Variants in ZNF341 observed in about 807,000 individuals in gnomAD.
ZNF341 encodes the protein zinc finger protein 341.
In ZNF341, 52 loss-of-function variants were observed where a neutral mutation model predicts 87.7. The observed-to-expected ratio is 0.59, with a 90% CI of 0.47 to 0.75. ZNF341 has a LOEUF of 0.75. Ranked by LOEUF, ZNF341 falls within the 30% of genes least tolerant of loss-of-function variation. The probability of loss-of-function intolerance (pLI) is 0.00; values close to 1 mark genes in which losing one functional copy is unlikely to be tolerated. For missense variants in ZNF341, 977 were observed against 1,145.9 expected, an observed-to-expected ratio of 0.85 and a Z score of 2.13; for synonymous variants, 459 against 472.7, an observed-to-expected ratio of 0.97 and a Z score of 0.38.
In ZNF341 at chr20:33,770,191, C is replaced by T; in HGVS notation, c.1521C>T (p.Leu507=). 3 of 1,614,210 alleles carry T rather than the reference C, an allele frequency of 1.9e-6. No homozygotes were observed. The highest frequency in any genetic ancestry group is 2.2e-5 in the East Asian group (1 of 44,886). The change falls in exon 10 of 15, where the codon CTC becomes CTT. Residue 507 remains leucine, a synonymous_variant. Coordinates refer to ENST00000375200, the MANE Select transcript of ZNF341 (RefSeq NM_001282933.2). ...AGGAGCTGAGCTACCGCTGCCACCT[C>T]TGCGGCAAGGACTTCCCCTCGCTGT... is the stretch of plus-strand genomic sequence containing the variant. ...HQEELSYRCH[L]CGKDFPSLYD...
intron 10 of ZNF341, among the ~76,000 whole-genome samples, chr20:33,775,838 T>G (rs554314893): frequency 2.0e-5 from 3 of 151,942 alleles, no homozygotes; most frequent in Admixed American, 6.6e-5. Flanking sequence ...TAGCTGGGAC[T>G]ACAGGTGTGT....
At chr20:33,790,016 C>T (rs530439285) in intron 14 of ZNF341, among the ~76,000 whole-genome samples, 6 of 152,062 alleles carry the variant, frequency 3.9e-5, no homozygotes, top group South Asian at 2.1e-4. Context: ...ACATGCCAGC[C>T]GAGGTCTAAA....
intron 14 of ZNF341, among the ~76,000 whole-genome samples, chr20:33,789,814 C>G (rs1372044895): frequency 3.3e-5 from 5 of 152,302 alleles, no homozygotes; most frequent in African/African-American, 9.6e-5. Flanking sequence ...AAGGAGGAAG[C>G]TGACCTGAGC....
intron 1 of ZNF341, among the ~76,000 whole-genome samples, chr20:33,737,674 G>A (rs1042175548): frequency 3.9e-5 from 6 of 152,128 alleles, no homozygotes; most frequent in African/African-American, 1.4e-4. Context: ...GGGTGCTGTT[G>A]ATTGGTTGGA....
rs903700094 is a variant in ZNF341 at position 33,783,648 on chromosome 20, G to A, written c.1720-84G>A. ...AAGGAAGGTGTCTCTATAGGGGCTG[G>A]AAACGAGGAACCTTTGAGTTCAGAA... On this transcript the variant is annotated intron_variant, in intron 11 of 14. Coordinates refer to ENST00000375200, the MANE Select transcript of ZNF341 (RefSeq NM_001282933.2). 9.4e-6 allele frequency: 15 copies of A among 1,597,714 alleles called. No homozygotes were observed. The East Asian group carries it at 3.1e-4, about 33-fold the overall frequency.
At chr20:33,758,681 A>G in intron 6 of ZNF341, 35 bp from the exon 7 acceptor site, 2 of 1,579,716 alleles carry the variant, frequency 1.3e-6, no homozygotes, top group South Asian at 1.1e-5. Flanking sequence ...CTGCACCCCC[A>G]GCCTCATTGT....
intron 8 of ZNF341, among the ~76,000 whole-genome samples, chr20:33,763,471 GT>G (rs1210677831): frequency 6.6e-6 from 1 of 152,020 alleles, no homozygotes; most frequent in African/African-American, 2.4e-5. Context: ...GCTAATTTTC[GT>G]ATTTTTAGTA....
At chr20:33,781,549 T>C (rs1027937076) in intron 11 of ZNF341, among the ~76,000 whole-genome samples, 162 bp downstream of exon 11, 1 of 152,098 alleles carries the variant, frequency 6.6e-6, no homozygotes, top group Non-Finnish European at 1.5e-5. Context: ...TGCCTGGCCA[T>C]CTCATCCATC....
chr20:33,769,378 G>C lies in ZNF341; in HGVS notation c.1414-706G>C, dbSNP rs1396627726. Among the ~76,000 whole-genome samples, 9 of 125,978 alleles carry C rather than the reference G, an allele frequency of 7.1e-5. No homozygotes were observed. In the South Asian group the frequency reaches 8.2e-4, roughly 11 times the overall value. The allele number at this position is 125,978 out of a possible 152,430, so 82.6% of individuals were successfully genotyped here. On this transcript the variant is annotated intron_variant, in intron 9 of 14. Coordinates refer to ENST00000375200, the MANE Select transcript of ZNF341 (RefSeq NM_001282933.2). ...GGAGGGGGTGAAGGGGTGGTGGTGG[G>C]GGGGGGGGCAGTGGGAGGGGTGGCG...
chr20:33,763,149 A>G (rs2019331259), intron 8 of ZNF341, among the ~76,000 whole-genome samples: 1 of 152,156 alleles, frequency 6.6e-6, no homozygotes, highest in East Asian at 1.9e-4. Context: ...AGCACACTGC[A>G]TTACCTTTTC....
chr20:33,752,173 C>A, intron 4 of ZNF341: 1 of 487,088 alleles, frequency 2.1e-6, no homozygotes, highest in South Asian at 1.5e-5. Flanking sequence ...GCGATTAGTT[C>A]TCATCCACAT....
chr20:33,790,269 C>T (rs752798887), intron 14 of ZNF341, among the ~76,000 whole-genome samples: 17 of 152,028 alleles, frequency 1.1e-4, no homozygotes, highest in Admixed American at 3.3e-4. Flanking sequence ...ATGGGGTTTT[C>T]ACCATGTTGG....
intron 10 of ZNF341, among the ~76,000 whole-genome samples, chr20:33,771,307 G>A (rs1461139490): frequency 6.6e-6 from 1 of 151,946 alleles, no homozygotes; most frequent in Non-Finnish European, 1.5e-5. Flanking sequence ...TTGGAGTCCA[G>A]TGGCACCATC....
chr20:33,745,204 G>C lies in ZNF341; in HGVS notation c.244G>C (p.Ala82Pro), dbSNP rs144533858. 4 of 1,614,086 alleles carry C rather than the reference G, an allele frequency of 2.5e-6. No homozygotes were observed. The South Asian group carries it at 4.4e-5, about 18-fold the overall frequency. Reference protein sequence around the residue: ...KREQCQGNAPALATVSLATNS... With the variant: ...KREQCQGNAPPLATVSLATNS... ...GGAACAGTGCCAGGGGAATGCCCCC[G>C]CCCTGGCCACAGTCTCACTGGCCAC... The change falls in exon 3 of 15, where the codon GCC (alanine) becomes CCC (proline). Residue 82 changes from alanine (A) to proline (P), a missense_variant. Transcript: ENST00000375200.
At chr20:33,759,931 A>G (rs946291611) in intron 7 of ZNF341, among the ~76,000 whole-genome samples, 1 of 152,192 alleles carries the variant, frequency 6.6e-6, no homozygotes, top group African/African-American at 2.4e-5. Context: ...TGACCTGCAC[A>G]TCGTGGAATG....
At position 33,753,403 on chromosome 20, in the gene ZNF341, C is replaced by G; in HGVS notation, c.721C>G (p.Gln241Glu). The G allele has an allele frequency of 1.2e-6, 2 of 1,603,946 alleles. No individual in the cohort carries two copies. Among genetic ancestry groups the G allele is most frequent in the Non-Finnish European group, 1.7e-6 (2 of 1,175,518 alleles). The change falls in exon 5 of 15, where the codon CAG becomes GAG. Residue 241 changes from glutamine (Q) to glutamate (E), a missense_variant. By Grantham distance (29) the Gln-to-Glu change is conservative. Transcript: ENST00000375200. Reference sequence around the variant, plus strand: ...GGTGGAGATCCAGGCACTGGGGATGCAGCCCTACCCACCCCTAGAGGTGAG... The same window carrying G: ...GGTGGAGATCCAGGCACTGGGGATGGAGCCCTACCCACCCCTAGAGGTGAG... ...GTVEIQALGM[Q>E]PYPPLEVPNQ... is the part of the protein sequence containing the mutation.
rs1455657826 is a variant in ZNF341 at position 33,758,762 on chromosome 20, C to T, written c.984C>T (p.Asp328=). 6 of 1,614,036 alleles carry T rather than the reference C, an allele frequency of 3.7e-6. No individual in the cohort carries two copies. Among genetic ancestry groups the T allele is most frequent in the Admixed American group, 1.7e-5 (1 of 59,998 alleles). Residue 328 remains aspartate (D), a synonymous_variant, in exon 7 of 15, where the codon GAC becomes GAT. Transcript: ENST00000375200. ...AGAAACTCAAGTGCTCATACTGTGA[C>T]AAGTCATTCACCAAAAACTTTGACC... ...KAQKLKCSYC[D]KSFTKNFDLQ...
chr20:33,762,191 G>A, intron 8 of ZNF341, 136 bp downstream of exon 8: 1 of 711,564 alleles, frequency 1.4e-6, no homozygotes, highest in Non-Finnish European at 2.1e-6. Context: ...ATAAAATGTG[G>A]CATAAGATGA....
chr20:33,745,012 C>G (rs900258640), intron 2 of ZNF341, 91 bp from the exon 3 acceptor site: 2 of 1,209,368 alleles, frequency 1.7e-6, no homozygotes, highest in Non-Finnish European at 1.2e-6. Context: ...CTGTCTCATA[C>G]TGTGATGCCC....
Sources: gnomAD v4.1 joint callset for allele counts (sites outside exome capture counted in the v4.1 genomes callset) on GRCh38, gnomAD v4.1.1 for gene constraint, MANE v1.5 for transcripts, NCBI Gene and HGNC (gene_info 2026-07-23, HGNC 2026-07-21) for gene names.